SHISA6: variants seen among roughly 807,000 people sequenced by gnomAD.
The protein encoded by SHISA6 is shisa family member 6, also known as protein shisa-6.
Under a neutral mutation model 47.9 loss-of-function variants are expected in SHISA6, and 22 were observed. The ratio of observed to expected loss-of-function variants is 0.46; its 90% CI spans 0.33 to 0.66. The LOEUF (loss-of-function observed/expected upper bound fraction) is 0.66, where lower values mean the gene tolerates loss of function less well. Ranked by LOEUF, SHISA6 falls within the 30% of genes least tolerant of loss-of-function variation. The pLI is 0.02. For synonymous variants in SHISA6, 388 were observed against 337.8 expected, an observed-to-expected ratio of 1.15 and a Z score of -1.63; for missense variants, 680 against 764.6, an observed-to-expected ratio of 0.89 and a Z score of 1.30.
intron 2 of SHISA6, among the ~76,000 whole-genome samples, chr17:11,373,578 ACATATGCACG>A (rs1320853462): frequency 6.6e-6 from 1 of 152,204 alleles, no homozygotes; most frequent in Non-Finnish European, 1.5e-5. Context: ...GTATAATACT[ACATATGCACG>A]CATCCTCAAA....
intron 2 of SHISA6, among the ~76,000 whole-genome samples, chr17:11,342,281 C>G (rs1911559126): frequency 6.6e-6 from 1 of 151,976 alleles, no homozygotes; most frequent in African/African-American, 2.4e-5. Context: ...GAGGGGCAGT[C>G]TGTGAGCAGG....
chr17:11,530,675 T>C (rs1271653980), intron 3 of SHISA6, among the ~76,000 whole-genome samples: 4 of 152,190 alleles, frequency 2.6e-5, no homozygotes, highest in South Asian at 2.1e-4. Flanking sequence ...CACCATGTTA[T>C]AAAGTTCTAG....
chr17:11,521,991 A>G (rs2071633605), intron 3 of SHISA6, among the ~76,000 whole-genome samples: 1 of 151,854 alleles, frequency 6.6e-6, no homozygotes. Flanking sequence ...TTTGAGACAG[A>G]GTCTCGCTCT....
intron 3 of SHISA6, among the ~76,000 whole-genome samples, chr17:11,533,774 A>G (rs1268844093): frequency 6.7e-6 from 1 of 148,176 alleles, no homozygotes; most frequent in Admixed American, 6.7e-5. Context: ...TTGTATTTTT[A>G]GTAGAGACGG....
At chr17:11,524,883 TA>T (rs2071662734) in intron 3 of SHISA6, among the ~76,000 whole-genome samples, 1 of 152,190 alleles carries the variant, frequency 6.6e-6, no homozygotes, top group Non-Finnish European at 1.5e-5. Flanking sequence ...TGTCCTATTT[TA>T]AACATCAAGC....
At chr17:11,554,427 C>T (rs1472863042) in intron 4 of SHISA6, among the ~76,000 whole-genome samples, 1 of 152,202 alleles carries the variant, frequency 6.6e-6, no homozygotes, top group South Asian at 2.1e-4. Flanking sequence ...GTCAGGAGTC[C>T]CCGGTGCTTG....
At chr17:11,480,458 T>C (rs1219271407) in intron 3 of SHISA6, among the ~76,000 whole-genome samples, 1 of 152,282 alleles carries the variant, frequency 6.6e-6, no homozygotes, top group Non-Finnish European at 1.5e-5. Context: ...CCAGTTAATA[T>C]GCCACCACAC....
At chr17:11,424,175 A>G (rs564317347) in intron 3 of SHISA6, among the ~76,000 whole-genome samples, 3 of 152,336 alleles carry the variant, frequency 2.0e-5, no homozygotes, top group East Asian at 3.9e-4. Context: ...ATGAATGACC[A>G]TGGAGGAAGT....
At chr17:11,344,759 A>C (rs1175388257) in intron 2 of SHISA6, among the ~76,000 whole-genome samples, 1 of 152,230 alleles carries the variant, frequency 6.6e-6, no homozygotes, top group Non-Finnish European at 1.5e-5. Context: ...CTGTCCACTC[A>C]AACATTTAAT....
chr17:11,400,968 T>C (rs1254159701), intron 3 of SHISA6, among the ~76,000 whole-genome samples: 1 of 152,238 alleles, frequency 6.6e-6, no homozygotes, highest in African/African-American at 2.4e-5. Flanking sequence ...AGTTCTTGTC[T>C]GTGGTCTCCT....
chr17:11,428,258 C>T (rs1914656220), intron 3 of SHISA6, among the ~76,000 whole-genome samples: 1 of 152,224 alleles, frequency 6.6e-6, no homozygotes, highest in Non-Finnish European at 1.5e-5. Context: ...TTAAGCACCA[C>T]ACCAAATTGT....
At chr17:11,373,668 C>T (rs1912698851) in intron 2 of SHISA6, among the ~76,000 whole-genome samples, 1 of 152,082 alleles carries the variant, frequency 6.6e-6, no homozygotes, top group Admixed American at 6.5e-5. Context: ...TTCTTGTTTG[C>T]TTTGTGCATT....
intron 3 of SHISA6, among the ~76,000 whole-genome samples, chr17:11,487,626 G>A (rs1916384932): frequency 6.6e-6 from 1 of 152,192 alleles, no homozygotes; most frequent in African/African-American, 2.4e-5. Context: ...AATAGGATTA[G>A]CCTCAGCTAA....
chr17:11,296,400 C>T (rs1293191650), intron 2 of SHISA6, among the ~76,000 whole-genome samples: 1 of 152,100 alleles, frequency 6.6e-6, no homozygotes. Context: ...AAATAGATTT[C>T]AAGGCAAAAC....
chr17:11,264,796 G>T (rs1196885059), intron 2 of SHISA6, among the ~76,000 whole-genome samples: 1 of 152,148 alleles, frequency 6.6e-6, no homozygotes, highest in Non-Finnish European at 1.5e-5. Context: ...TATTACGTCA[G>T]AAACCTAATA....
At chr17:11,540,535 G>A (rs570535828) in intron 3 of SHISA6, among the ~76,000 whole-genome samples, 1 of 152,274 alleles carries the variant, frequency 6.6e-6, no homozygotes, top group Non-Finnish European at 1.5e-5. Context: ...TAGTCCTGGA[G>A]CACTACAGTG....
intron 3 of SHISA6, among the ~76,000 whole-genome samples, chr17:11,407,139 T>C (rs1913989691): frequency 6.6e-6 from 1 of 152,066 alleles, no homozygotes; most frequent in Non-Finnish European, 1.5e-5. Flanking sequence ...CTCTTCTAAG[T>C]ACTTTACATA....
At chr17:11,243,942 C>A (rs1011790306) in intron 1 of SHISA6, among the ~76,000 whole-genome samples, 1 of 152,196 alleles carries the variant, frequency 6.6e-6, no homozygotes, top group East Asian at 1.9e-4. Context: ...TATTCGTCAT[C>A]GCCTGGGATG....
intron 2 of SHISA6, among the ~76,000 whole-genome samples, chr17:11,273,206 G>C (rs1908747972): frequency 6.6e-6 from 1 of 152,204 alleles, no homozygotes; most frequent in African/African-American, 2.4e-5. Context: ...CCAGGAGGGG[G>C]TGCTGACTGA....
Sources: gnomAD v4.1 joint callset for allele counts (sites outside exome capture counted in the v4.1 genomes callset) on GRCh38, gnomAD v4.1.1 for gene constraint, MANE v1.5 for transcripts, NCBI Gene and HGNC (gene_info 2026-07-23, HGNC 2026-07-21) for gene names.